PPM1E: variants seen among roughly 807,000 people sequenced by gnomAD.
The protein encoded by PPM1E is protein phosphatase, Mg2+/Mn2+ dependent 1E.
PPM1E carries 20 observed loss-of-function variants against 65.9 expected under a neutral mutation model. The observed-to-expected ratio is 0.30, with a 90% CI of 0.21 to 0.44. PPM1E has a LOEUF of 0.44. Among genes scored for constraint, PPM1E ranks in the 20% least tolerant of loss-of-function variants. The pLI, the probability that PPM1E is intolerant of heterozygous loss-of-function variation, is 1.00. For synonymous variants in PPM1E, 352 were observed against 374.9 expected (o/e 0.94, Z 0.70); for missense variants, 713 against 953.1 (o/e 0.75, Z 3.32).
intron 1 of PPM1E, among the ~76,000 whole-genome samples, chr17:58,935,412 G>A (rs368317790): frequency 2.0e-5 from 3 of 152,270 alleles, no homozygotes; most frequent in East Asian, 1.9e-4. Context: ...AGAATGTGAC[G>A]TTACAGAAGC....
At chr17:58,899,305 A>C (rs2051466935) in intron 1 of PPM1E, 1 of 152,248 alleles carries the variant, frequency 6.6e-6, no homozygotes, top group African/African-American at 2.4e-5. Flanking sequence ...ATTACACCCC[A>C]GCCTGGTGAC....
At chr17:58,841,196 A>G (rs1196677208) in intron 1 of PPM1E, among the ~76,000 whole-genome samples, 2 of 152,220 alleles carry the variant, frequency 1.3e-5, no homozygotes, top group East Asian at 1.9e-4. Flanking sequence ...ATCTTTCCAT[A>G]TGGAATAATG....
At chr17:58,977,915 G>A (rs1485523303) in intron 6 of PPM1E, among the ~76,000 whole-genome samples, 1 of 152,104 alleles carries the variant, frequency 6.6e-6, no homozygotes, top group Non-Finnish European at 1.5e-5. Flanking sequence ...GCTAATTTTT[G>A]TATTTTTAGT....
chr17:58,932,568 G>A (rs949792641), intron 1 of PPM1E, among the ~76,000 whole-genome samples: 6 of 152,144 alleles, frequency 3.9e-5, no homozygotes, highest in Non-Finnish European at 8.8e-5. Context: ...ACAAACATGG[G>A]ATCTGGGAAC....
rs1360870307 is a variant in PPM1E, at chr17:58,981,702, T to C, written c.*671T>C. The C allele has an allele frequency of 6.6e-6, 1 of 152,664 alleles. No individual in the cohort carries two copies. The highest frequency in any genetic ancestry group is 1.5e-5 in the Non-Finnish European group (1 of 68,054). 9.5% of individuals were successfully genotyped at this position (152,664 alleles called of 1,614,324 possible). A position where few individuals can be genotyped will look rare whatever the true frequency, so the allele number is the denominator to read the frequency against. On this transcript the variant is annotated 3_prime_UTR_variant, in exon 7 of 7. Coordinates refer to ENST00000308249, the MANE Select transcript of PPM1E (RefSeq NM_014906.5). ...GTGAACTTTTTTTAATTAAAAAATA[T>C]TTCCTAGGGCTGTAGTTATTTGGGA... is the stretch of plus-strand genomic sequence containing the variant.
chr17:58,974,349 T>C (rs2030861397), intron 6 of PPM1E, among the ~76,000 whole-genome samples: 1 of 152,214 alleles, frequency 6.6e-6, no homozygotes, highest in African/African-American at 2.4e-5. Context: ...GTATGTGGAA[T>C]ACAGTCACCT....
chr17:58,899,897 T>C (rs2051477324), intron 1 of PPM1E, among the ~76,000 whole-genome samples: 1 of 151,508 alleles, frequency 6.6e-6, no homozygotes, highest in Non-Finnish European at 1.5e-5. Flanking sequence ...GAGAGAGAAT[T>C]AATAGTTCTA....
chr17:58,966,486 C>T (rs1008153575), intron 3 of PPM1E: 2 of 201,624 alleles, frequency 9.9e-6, no homozygotes, highest in African/African-American at 2.5e-5. Context: ...ATTAAGTTCT[C>T]ACATTACTAT....
intron 1 of PPM1E, among the ~76,000 whole-genome samples, chr17:58,779,883 G>C (rs2050034628): frequency 6.6e-6 from 1 of 151,896 alleles, no homozygotes; most frequent in African/African-American, 2.4e-5. Flanking sequence ...TTTTTTAAAA[G>C]TGTATCATGG....
At chr17:58,871,380 C>A (rs887185951) in intron 1 of PPM1E, among the ~76,000 whole-genome samples, 2 of 152,114 alleles carry the variant, frequency 1.3e-5, no homozygotes, top group African/African-American at 4.8e-5. Context: ...AAGACTGTTT[C>A]ATGTCATGAA....
At chr17:58,897,726 T>C (rs571535903) in intron 1 of PPM1E, 2 of 152,292 alleles carry the variant, frequency 1.3e-5, no homozygotes, top group South Asian at 4.1e-4. Flanking sequence ...CACTGCTGAA[T>C]CAGTGGCTCA....
At chr17:58,884,420 C>G (rs767291049) in intron 1 of PPM1E, among the ~76,000 whole-genome samples, 1 of 152,164 alleles carries the variant, frequency 6.6e-6, no homozygotes, top group Non-Finnish European at 1.5e-5. Flanking sequence ...AAGTCAGTTA[C>G]CACTCTGTCA....
At chr17:58,962,055 C>T (rs1449346815) in intron 2 of PPM1E, among the ~76,000 whole-genome samples, 1 of 152,008 alleles carries the variant, frequency 6.6e-6, no homozygotes, top group African/African-American at 2.4e-5. Context: ...GAGGCCAAGG[C>T]GAGTGGATCA....
chr17:58,865,482 G>A (rs936564207), intron 1 of PPM1E, among the ~76,000 whole-genome samples: 1 of 152,162 alleles, frequency 6.6e-6, no homozygotes. Context: ...GAGGTGAGGC[G>A]GGAAGATCAT....
chr17:58,837,265 A>G (rs1159677576), intron 1 of PPM1E, among the ~76,000 whole-genome samples: 1 of 147,414 alleles, frequency 6.8e-6, no homozygotes, highest in African/African-American at 2.5e-5. Context: ...AAAATTAAAA[A>G]AAAAAAAAAA....
intron 1 of PPM1E, among the ~76,000 whole-genome samples, chr17:58,794,390 A>G (rs1483788041): frequency 6.6e-6 from 1 of 151,944 alleles, no homozygotes; most frequent in Non-Finnish European, 1.5e-5. Context: ...ATTTATTATT[A>G]TTTATTTTTT....
At chr17:58,758,842 G>GGCT (rs1444978541) in intron 1 of PPM1E, among the ~76,000 whole-genome samples, 1 of 152,146 alleles carries the variant, frequency 6.6e-6, no homozygotes, top group African/African-American at 2.4e-5. Flanking sequence ...CAGTTTGGGA[G>GGCT]GCTGAGGTGG....
intron 1 of PPM1E, among the ~76,000 whole-genome samples, chr17:58,892,538 A>C (rs1048836491): frequency 3.3e-5 from 5 of 152,136 alleles, no homozygotes; most frequent in Non-Finnish European, 7.3e-5. Flanking sequence ...ACACCACTGC[A>C]CTCCAGCCTG....
chr17:58,783,263 A>G (rs1478866742), intron 1 of PPM1E, among the ~76,000 whole-genome samples: 1 of 152,246 alleles, frequency 6.6e-6, no homozygotes, highest in Non-Finnish European at 1.5e-5. Flanking sequence ...CAAGGAGTTA[A>G]CAGATTGGTT....
Sources: allele counts gnomAD v4.1 joint callset (sites outside exome capture counted in the v4.1 genomes callset), GRCh38; gene constraint gnomAD v4.1.1; transcripts MANE v1.5; gene names NCBI Gene and HGNC (gene_info 2026-07-23, HGNC 2026-07-21).